The following TMEM132D variants were observed in gnomAD, a reference collection of about 807,000 sequenced individuals.
TMEM132D encodes the protein mature OL transmembrane protein.
TMEM132D carries 21 observed loss-of-function variants against 62.3 expected under a neutral mutation model. That is an observed-to-expected ratio of 0.34 (90% CI 0.24 to 0.49). TMEM132D has a LOEUF of 0.49. Among genes scored for constraint, TMEM132D ranks in the 20% least tolerant of loss-of-function variants. The pLI, the probability that TMEM132D is intolerant of heterozygous loss-of-function variation, is 0.99. For missense variants in TMEM132D, 1,346 were observed against 1,402.8 expected (o/e 0.96, Z 0.65); for synonymous variants, 621 against 575.6 (o/e 1.08, Z -1.13).
chr12:129,507,886 T>G (rs1486307616), intron 3 of TMEM132D, among the ~76,000 whole-genome samples: 1 of 152,124 alleles, frequency 6.6e-6, no homozygotes, highest in Middle Eastern at 3.2e-3. Flanking sequence ...ATAGAAAGTC[T>G]ATTGATTTTC....
intron 5 of TMEM132D, among the ~76,000 whole-genome samples, chr12:129,103,931 A>G (rs562567429): frequency 6.6e-6 from 1 of 152,368 alleles, no homozygotes; most frequent in Admixed American, 6.5e-5. Flanking sequence ...GCTCGTGGGT[A>G]GGAATAATCA....
intron 5 of TMEM132D, among the ~76,000 whole-genome samples, chr12:129,100,553 C>T (rs1027109005): frequency 1.3e-5 from 2 of 152,212 alleles, no homozygotes; most frequent in African/African-American, 4.8e-5. Context: ...ATCTTTCTGT[C>T]TTTCCGAGGA....
intron 3 of TMEM132D, among the ~76,000 whole-genome samples, chr12:129,467,739 T>G (rs1873957739): frequency 6.6e-6 from 1 of 152,176 alleles, no homozygotes. Flanking sequence ...ACCTGTTCTG[T>G]GCTTGAACAG....
chr12:129,274,948 T>C (rs559588178), intron 4 of TMEM132D, among the ~76,000 whole-genome samples: 1 of 152,266 alleles, frequency 6.6e-6, no homozygotes, highest in South Asian at 2.1e-4. Context: ...ATGAAGGTGA[T>C]GTAAAATATC....
chr12:129,261,133 T>G (rs1450484053), intron 4 of TMEM132D, among the ~76,000 whole-genome samples: 1 of 152,146 alleles, frequency 6.6e-6, no homozygotes, highest in African/African-American at 2.4e-5. Flanking sequence ...CCACCAGCAG[T>G]GTAAAAGGGT....
chr12:129,499,556 A>G (rs2137066040), intron 3 of TMEM132D, among the ~76,000 whole-genome samples: 1 of 152,352 alleles, frequency 6.6e-6, no homozygotes, highest in East Asian at 1.9e-4. Flanking sequence ...ATAGGGACAC[A>G]TACACTGAGT....
chr12:129,375,370 G>A (rs905608383), intron 3 of TMEM132D, among the ~76,000 whole-genome samples: 3 of 152,292 alleles, frequency 2.0e-5, no homozygotes, highest in African/African-American at 7.2e-5. Flanking sequence ...TAGAACAGTG[G>A]TTTATGATGT....
At chr12:129,589,258 G>A (rs1329144932) in intron 2 of TMEM132D, among the ~76,000 whole-genome samples, 1 of 152,064 alleles carries the variant, frequency 6.6e-6, no homozygotes, top group Non-Finnish European at 1.5e-5. Flanking sequence ...TTTATGAGGG[G>A]CTTCCCCTTT....
chr12:129,421,134 A>G (rs1475765750), intron 3 of TMEM132D, among the ~76,000 whole-genome samples: 1 of 151,010 alleles, frequency 6.6e-6, no homozygotes, highest in Non-Finnish European at 1.5e-5. Flanking sequence ...GCGAATTTTC[A>G]TATTTTTTGG....
intron 3 of TMEM132D, among the ~76,000 whole-genome samples, chr12:129,461,538 G>C (rs1873671010): frequency 6.6e-6 from 1 of 152,144 alleles, no homozygotes; most frequent in African/African-American, 2.4e-5. Flanking sequence ...CACATGAATA[G>C]ACTGATCTAG....
At chr12:129,246,855 T>C (rs971993176) in intron 4 of TMEM132D, among the ~76,000 whole-genome samples, 3 of 152,146 alleles carry the variant, frequency 2.0e-5, no homozygotes, top group Non-Finnish European at 2.9e-5. Flanking sequence ...TCTGTGGCAA[T>C]AGGAAAAAGT....
At position 129,134,664 on chromosome 12, in the gene TMEM132D, T is replaced by C. The variant is rs373385816; in HGVS notation, c.1444-49962A>G. On this transcript the variant is annotated intron_variant, in intron 5 of 8. Coordinates refer to ENST00000422113, the MANE Select transcript of TMEM132D (RefSeq NM_133448.3). Reference sequence around the variant, plus strand: ...AGATCCAAGAGAACAATTTGTCCAATGTGATTCAGAAAGTAATTGATGGAG... The same window carrying C: ...AGATCCAAGAGAACAATTTGTCCAACGTGATTCAGAAAGTAATTGATGGAG... Among the ~76,000 whole-genome samples the C allele has an allele frequency of 5.3e-5, 8 of 152,318 alleles. No homozygotes were observed. In the East Asian group the frequency reaches 1.5e-3, roughly 29 times the overall value.
At chr12:129,333,903 C>T (rs1283757362) in intron 4 of TMEM132D, among the ~76,000 whole-genome samples, 1 of 152,124 alleles carries the variant, frequency 6.6e-6, no homozygotes, top group Non-Finnish European at 1.5e-5. Context: ...GGTGGATCAT[C>T]TTAGGTCAGG....
intron 5 of TMEM132D, among the ~76,000 whole-genome samples, chr12:129,117,303 G>A (rs1875925270): frequency 1.3e-5 from 2 of 152,132 alleles, no homozygotes; most frequent in Middle Eastern, 3.4e-3. Context: ...AGATGGAGAA[G>A]AGGGGATTTC....
chr12:129,176,821 T>C (rs569258589), intron 5 of TMEM132D, among the ~76,000 whole-genome samples: 48 of 152,358 alleles, frequency 3.2e-4, no homozygotes, highest in South Asian at 3.1e-3. Context: ...ACTCTGTCCC[T>C]GGCATGTGCC....
intron 2 of TMEM132D, among the ~76,000 whole-genome samples, chr12:129,542,876 T>G (rs149969727): frequency 7.1e-4 from 108 of 152,210 alleles, no homozygotes; most frequent in African/African-American, 2.5e-3. Context: ...TATTTACCAT[T>G]GTGTTACAGT....
intron 3 of TMEM132D, among the ~76,000 whole-genome samples, chr12:129,362,673 G>T (rs1165146329): frequency 6.6e-6 from 1 of 151,918 alleles, no homozygotes; most frequent in Non-Finnish European, 1.5e-5. Context: ...CAGACTGTTC[G>T]AGATCACATC....
At chr12:129,555,165 T>C (rs1166632675) in intron 2 of TMEM132D, among the ~76,000 whole-genome samples, 3 of 152,240 alleles carry the variant, frequency 2.0e-5, no homozygotes, top group Non-Finnish European at 4.4e-5. Context: ...AGGAAGCTGA[T>C]TGCACAGAAT....
intron 1 of TMEM132D, among the ~76,000 whole-genome samples, chr12:129,754,006 C>T (rs1282191054): frequency 6.6e-6 from 1 of 152,116 alleles, no homozygotes; most frequent in Admixed American, 6.5e-5. Context: ...GCAACTTTGG[C>T]TTTTGAGTTT....
Sources: gnomAD v4.1 joint callset for allele counts (sites outside exome capture counted in the v4.1 genomes callset) on GRCh38, gnomAD v4.1.1 for gene constraint, MANE v1.5 for transcripts, NCBI Gene and HGNC (gene_info 2026-07-23, HGNC 2026-07-21) for gene names.